The following HDAC9 variants were observed in gnomAD, a reference collection of about 807,000 sequenced individuals.
HDAC9 encodes the protein histone deacetylase 9, also known as MEF-2 interacting transcription repressor (MITR) protein.
In HDAC9, 41 loss-of-function variants were observed where a neutral mutation model predicts 139.4. That is an observed-to-expected ratio of 0.29 (90% CI 0.23 to 0.38). The LOEUF (loss-of-function observed/expected upper bound fraction) is 0.38. HDAC9 is among the 10% of genes least tolerant of loss of function. HDAC9 has a pLI of 1.00. For synonymous variants in HDAC9, 517 were observed against 476.2 expected, an observed-to-expected ratio of 1.09 and a Z score of -1.12; for missense variants, 1,147 against 1,297.0, an observed-to-expected ratio of 0.88 and a Z score of 1.78.
chr7:18,205,975 C>T (rs750619997), intron 2 of HDAC9, among the ~76,000 whole-genome samples: 4 of 152,112 alleles, frequency 2.6e-5, no homozygotes, highest in Non-Finnish European at 5.9e-5. Context: ...GTAAGAAATA[C>T]TGCACACAGA....
chr7:18,377,184 C>A (rs1023831287), intron 1 of HDAC9, among the ~76,000 whole-genome samples: 4 of 151,994 alleles, frequency 2.6e-5, no homozygotes, highest in Non-Finnish European at 5.9e-5. Flanking sequence ...AGACAGTTAC[C>A]TTTTCACATG....
intron 2 of HDAC9, among the ~76,000 whole-genome samples, chr7:18,232,510 C>T (rs1241149498): frequency 6.6e-6 from 1 of 152,162 alleles, no homozygotes; most frequent in Non-Finnish European, 1.5e-5. Flanking sequence ...CCTGGTGTTT[C>T]ACAGAGCGCC....
chr7:18,184,737 T>C (rs1447619331), intron 2 of HDAC9, among the ~76,000 whole-genome samples: 1 of 152,252 alleles, frequency 6.6e-6, no homozygotes, highest in Non-Finnish European at 1.5e-5. Flanking sequence ...ACAATCAGAA[T>C]CCAGCATATT....
At chr7:18,136,123 G>A (rs947242009) in intron 1 of HDAC9, among the ~76,000 whole-genome samples, 2 of 150,180 alleles carry the variant, frequency 1.3e-5, no homozygotes, top group South Asian at 2.1e-4. Flanking sequence ...GTCTGTTCAT[G>A]TCCTTCACCC....
chr7:18,134,603 A>G (rs1354048332), intron 1 of HDAC9, among the ~76,000 whole-genome samples: 1 of 152,210 alleles, frequency 6.6e-6, no homozygotes, highest in Non-Finnish European at 1.5e-5. Context: ...TAAGTTATCA[A>G]CATAGTGAAC....
chr7:18,372,575 T>C (rs1784673785), intron 1 of HDAC9, among the ~76,000 whole-genome samples: 1 of 152,212 alleles, frequency 6.6e-6, no homozygotes, highest in Non-Finnish European at 1.5e-5. Flanking sequence ...TCTTGAATGG[T>C]TTAAAATATG....
chr7:18,953,600 T>A (rs150122344), intron 23 of HDAC9, among the ~76,000 whole-genome samples: 167 of 152,286 alleles, frequency 1.1e-3, no homozygotes, highest in Middle Eastern at 0.01. Context: ...ACTGTACAGT[T>A]ATTTTACATT....
At chr7:18,130,664 A>T (rs1005966390) in intron 1 of HDAC9, among the ~76,000 whole-genome samples, 1 of 152,022 alleles carries the variant, frequency 6.6e-6, no homozygotes, top group Non-Finnish European at 1.5e-5. Flanking sequence ...AAATCCCTCC[A>T]TTCCCGATGC....
At chr7:18,304,060 G>C (rs535770684) in intron 1 of HDAC9, among the ~76,000 whole-genome samples, 18 of 152,326 alleles carry the variant, frequency 1.2e-4, no homozygotes, top group Admixed American at 2.0e-4. Flanking sequence ...GAATTTCGTT[G>C]ACCTGGGCTC....
At chr7:18,173,785 G>A (rs1584461058) in intron 2 of HDAC9, among the ~76,000 whole-genome samples, 5 of 152,276 alleles carry the variant, frequency 3.3e-5, no homozygotes, top group Admixed American at 3.3e-4. Flanking sequence ...ACTCTCTTCT[G>A]GCTTGTAGGG....
intron 6 of HDAC9, among the ~76,000 whole-genome samples, chr7:18,618,262 G>A (rs540415717): frequency 3.9e-4 from 60 of 152,164 alleles, no homozygotes; most frequent in African/African-American, 1.4e-3. Flanking sequence ...GTCCACATTT[G>A]CAGGCAAGAA....
Position 18,912,977 on chromosome 7 carries a change from A to G in HDAC9, c.2804-22832A>G, listed in dbSNP as rs577632012. On this transcript the variant is annotated intron_variant, in intron 22 of 25. Transcript: ENST00000686413. ...ACTGTAAATAATACTGATCTTAACT[A>G]TTAGAAAACTAAAGAGTTTTCAGTG... 3.2e-3 allele frequency among the ~76,000 whole-genome samples: 483 copies of G among 152,200 alleles called. 4 individuals carry two copies. The highest frequency in any genetic ancestry group is 0.011 in the African/African-American group (439 of 41,552).
intron 21 of HDAC9, among the ~76,000 whole-genome samples, chr7:18,840,194 G>T (rs1228869840): frequency 2.0e-5 from 3 of 151,978 alleles, no homozygotes; most frequent in Admixed American, 6.6e-5. Flanking sequence ...CATATACTGA[G>T]GACTAGCTAA....
chr7:18,731,322 C>T (rs56386980), intron 13 of HDAC9, among the ~76,000 whole-genome samples: 3,206 of 152,158 alleles, frequency 0.021, 58 homozygotes, highest in Middle Eastern at 0.054. Context: ...GTAGCGGACA[C>T]AGACACATTA....
intron 12 of HDAC9, chr7:18,666,727 T>C: frequency 4.7e-6 from 6 of 1,286,240 alleles, no homozygotes; most frequent in East Asian, 3.1e-5. Context: ...ATACCTGTTA[T>C]ACTAAAATTA....
intron 2 of HDAC9, among the ~76,000 whole-genome samples, chr7:18,536,722 C>T (rs527307978): frequency 6.6e-6 from 1 of 152,064 alleles, no homozygotes; most frequent in East Asian, 1.9e-4. Context: ...AAGGAAAACA[C>T]GTGTGAATGT....
chr7:18,360,217 A>T (rs573351698), intron 1 of HDAC9, among the ~76,000 whole-genome samples: 1 of 152,318 alleles, frequency 6.6e-6, no homozygotes, highest in Admixed American at 6.5e-5. Flanking sequence ...AATTACTTTT[A>T]AACATTTATG....
chr7:18,313,976 C>G (rs1339394281), intron 1 of HDAC9, among the ~76,000 whole-genome samples: 2 of 152,158 alleles, frequency 1.3e-5, no homozygotes, highest in African/African-American at 4.8e-5. Flanking sequence ...TTTGGTTATA[C>G]ATAAAATTAA....
intron 6 of HDAC9, among the ~76,000 whole-genome samples, chr7:18,619,456 A>G (rs1164048951): frequency 6.6e-6 from 1 of 152,188 alleles, no homozygotes; most frequent in East Asian, 1.9e-4. Flanking sequence ...CAATGATTAC[A>G]TTATATTTCT....
Sources: allele counts gnomAD v4.1 joint callset (sites outside exome capture counted in the v4.1 genomes callset), GRCh38; gene constraint gnomAD v4.1.1; transcripts MANE v1.5; gene names NCBI Gene and HGNC (gene_info 2026-07-23, HGNC 2026-07-21).